Variants in DNAH11 observed in about 807,000 individuals in gnomAD.
DNAH11 encodes the protein dynein axonemal heavy chain 11, also known as axonemal beta dynein heavy chain 11.
In DNAH11, 442 loss-of-function variants were observed where a neutral mutation model predicts 526.0. That is an observed-to-expected ratio of 0.84 (90% confidence interval 0.78 to 0.91). The LOEUF (loss-of-function observed/expected upper bound fraction) is 0.91, where lower values mean the gene tolerates loss of function less well. Ranked by LOEUF, DNAH11 falls within the 40% of genes least tolerant of loss-of-function variation. DNAH11 has a pLI of 0.00. For synonymous variants in DNAH11, 2,461 were observed against 1,935.9 expected, an observed-to-expected ratio of 1.27 and a Z score of -7.12; for missense variants, 6,989 against 5,448.7, an observed-to-expected ratio of 1.28 and a Z score of -8.90.
At chr7:21,565,877 G>T (rs967633311) in intron 6 of DNAH11, among the ~76,000 whole-genome samples, 3 of 152,162 alleles carry the variant, frequency 2.0e-5, no homozygotes, top group Admixed American at 6.5e-5. Flanking sequence ...ATAACAACAG[G>T]TCGATTCCTT....
At chr7:21,727,459 G>A (rs1052585279) in intron 45 of DNAH11, among the ~76,000 whole-genome samples, 7 of 152,032 alleles carry the variant, frequency 4.6e-5, no homozygotes, top group African/African-American at 1.2e-4. Context: ...GTTTAATCTC[G>A]TCTATTCACG....
chr7:21,680,020 T>G (rs1163185547), intron 30 of DNAH11, among the ~76,000 whole-genome samples: 1 of 152,198 alleles, frequency 6.6e-6, no homozygotes. Flanking sequence ...ATCAGCAACG[T>G]GCTTAGTCAG....
chr7:21,838,654 T>G (rs1352535787), intron 65 of DNAH11, among the ~76,000 whole-genome samples: 2 of 152,206 alleles, frequency 1.3e-5, no homozygotes, highest in Admixed American at 1.3e-4. Flanking sequence ...TGGCCAAATA[T>G]TAGGTCGGTG....
chr7:21,583,645 C>T (rs572930894), intron 9 of DNAH11, among the ~76,000 whole-genome samples: 18 of 152,146 alleles, frequency 1.2e-4, no homozygotes, highest in Non-Finnish European at 1.9e-4. Flanking sequence ...AGTGAACAGG[C>T]AACCTACAGA....
intron 9 of DNAH11, among the ~76,000 whole-genome samples, chr7:21,584,212 A>C (rs1052481097): frequency 6.6e-6 from 1 of 152,228 alleles, no homozygotes; most frequent in African/African-American, 2.4e-5. Context: ...GATAAAGAAA[A>C]TGTGGCACAT....
chr7:21,872,142 A>AAACAAACAAACAAAC (rs1783526453), intron 73 of DNAH11, among the ~76,000 whole-genome samples: 2 of 147,694 alleles, frequency 1.4e-5, no homozygotes, highest in Admixed American at 6.8e-5. Flanking sequence ...AAAAAAAAAA[A>AAACAAACAAACAAAC]AAAAAAACCT....
chr7:21,572,767 G>C (rs889473350), intron 8 of DNAH11, among the ~76,000 whole-genome samples: 10 of 152,312 alleles, frequency 6.6e-5, no homozygotes, highest in Non-Finnish European at 1.2e-4. Context: ...CTGAATTATA[G>C]TCAGTTTTGG....
chr7:21,786,748 C>CT lies in DNAH11; in HGVS notation c.9723dup (p.Lys3242Ter). ...CCCAAAGACCGAAGTTGGAAAGCAGCTAAAGTCTTCATGGGAAAGGTATCA... is the reference window on the plus strand; with the variant it reads ...CCCAAAGACCGAAGTTGGAAAGCAGCTTAAAGTCTTCATGGGAAAGGTATCA... On this transcript the variant is annotated frameshift_variant, in exon 59 of 82. Transcript: ENST00000409508. LOFTEE classifies it high-confidence loss of function. The CT allele has an allele frequency of 6.2e-7, 1 of 1,613,760 alleles. No homozygotes were observed. The highest frequency in any genetic ancestry group is 8.5e-7 in the Non-Finnish European group (1 of 1,179,716).
At chr7:21,812,811 A>G (rs1789589978) in intron 63 of DNAH11, among the ~76,000 whole-genome samples, 1 of 152,154 alleles carries the variant, frequency 6.6e-6, no homozygotes, top group Admixed American at 6.5e-5. Context: ...AAATGCATTG[A>G]TGCCTGTTGA....
intron 30 of DNAH11, among the ~76,000 whole-genome samples, chr7:21,678,760 A>T (rs1443470052): frequency 6.6e-6 from 1 of 152,020 alleles, no homozygotes; most frequent in Non-Finnish European, 1.5e-5. Context: ...CAGTGTATGG[A>T]TCTTTGACCT....
intron 62 of DNAH11, among the ~76,000 whole-genome samples, chr7:21,801,955 T>C (rs77880486): frequency 0.014 from 2,148 of 152,330 alleles, 41 homozygotes; most frequent in African/African-American, 0.049. Context: ...CGTTCTTTGA[T>C]ATCAGTATTC....
chr7:21,684,034 G>A (rs751548477), intron 32 of DNAH11, 90 bp downstream of exon 32: 63 of 1,325,400 alleles, frequency 4.8e-5, no homozygotes, highest in Non-Finnish European at 6.3e-5. Context: ...GAGAGGAAAC[G>A]ATGAACAATG....
At chr7:21,784,398 G>A (rs777122598) in intron 57 of DNAH11, 29 bp from the exon 58 acceptor site, 27 of 1,517,840 alleles carry the variant, frequency 1.8e-5, no homozygotes, top group African/African-American at 6.9e-5. Flanking sequence ...TAATTTATAC[G>A]GGTTTGTGTG....
chr7:21,577,312 T>C (rs1784133882), intron 8 of DNAH11, among the ~76,000 whole-genome samples: 1 of 152,192 alleles, frequency 6.6e-6, no homozygotes, highest in South Asian at 2.1e-4. Context: ...CAGGAAGAGC[T>C]GAGTGGGGAG....
chr7:21,884,153 A>G (rs1408033558), intron 75 of DNAH11, 138 bp from the exon 76 acceptor site: 2 of 648,364 alleles, frequency 3.1e-6, no homozygotes, highest in East Asian at 6.6e-5. Flanking sequence ...AAACTTAGAC[A>G]ATTTCTGAAG....
chr7:21,708,243 G>A (rs1326262629), intron 40 of DNAH11, among the ~76,000 whole-genome samples: 1 of 152,162 alleles, frequency 6.6e-6, no homozygotes, highest in Non-Finnish European at 1.5e-5. Context: ...TAAGCAAGCA[G>A]ATCCCTTTGT....
chr7:21,547,146 A>G (rs1782832931), intron 2 of DNAH11, among the ~76,000 whole-genome samples: 1 of 152,234 alleles, frequency 6.6e-6, no homozygotes, highest in African/African-American at 2.4e-5. Flanking sequence ...ATTGTAATTA[A>G]TAAGTACATC....
At position 21,599,956 on chromosome 7, in the gene DNAH11, C is replaced by A; in HGVS notation, c.2837C>A (p.Ala946Glu). 3 of 1,613,434 alleles carry A rather than the reference C, an allele frequency of 1.9e-6. No homozygotes were observed. Among genetic ancestry groups the A allele is most frequent in the Non-Finnish European group, 2.5e-6 (3 of 1,179,752 alleles). ...KQLKPAPFFQAQMILLPPEIV... is the reference protein window; with the variant it reads ...KQLKPAPFFQEQMILLPPEIV... ...TTGAAACCGGCACCGTTTTTTCAAGCACAAATGATCTTGTTGCCTCCTGAG... is the reference window on the plus strand; with the variant it reads ...TTGAAACCGGCACCGTTTTTTCAAGAACAAATGATCTTGTTGCCTCCTGAG... Residue 946 changes from alanine (A) to glutamate (E), a missense_variant, in exon 15 of 82, where the codon GCA (alanine) becomes GAA (glutamate). Transcript: ENST00000409508.
intron 29 of DNAH11, 128 bp downstream of exon 29, chr7:21,656,109 GT>G: frequency 9.2e-7 from 1 of 1,083,628 alleles, no homozygotes; most frequent in Non-Finnish European, 1.3e-6. Context: ...GTGCTCGGAG[GT>G]TCCTTTTTAT....
Sources: gnomAD v4.1 joint callset for allele counts (sites outside exome capture counted in the v4.1 genomes callset) on GRCh38, gnomAD v4.1.1 for gene constraint, MANE v1.5 for transcripts, NCBI Gene and HGNC (gene_info 2026-07-23, HGNC 2026-07-21) for gene names.